The following LYSMD3 variants were observed in gnomAD, a reference collection of about 807,000 sequenced individuals.
The protein encoded by LYSMD3 is lysM and putative peptidoglycan-binding domain-containing protein 3.
In LYSMD3, 13 loss-of-function variants were observed where a neutral mutation model predicts 26.1. The ratio of observed to expected loss-of-function variants is 0.50; its 90% CI spans 0.32 to 0.79. The LOEUF (loss-of-function observed/expected upper bound fraction) is 0.79. LYSMD3 is among the 30% of genes least tolerant of loss of function. LYSMD3 has a pLI of 0.03. For synonymous variants in LYSMD3, 109 were observed against 119.4 expected (o/e 0.91, Z 0.57); for missense variants, 331 against 362.5 (o/e 0.91, Z 0.71).
At chr5:90,528,328 G>T (rs1753275572) in intron 1 of LYSMD3, among the ~76,000 whole-genome samples, 1 of 152,126 alleles carries the variant, frequency 6.6e-6, no homozygotes, top group Non-Finnish European at 1.5e-5. Flanking sequence ...TATGTGTCTT[G>T]TTAGACAGTT....
chr5:90,519,421 T>C lies in LYSMD3; in HGVS notation c.319A>G (p.Ile107Val). The change falls in exon 3 of 3, where the codon ATC becomes GTC. Residue 107 changes from isoleucine to valine, a missense_variant. By Grantham distance (29) the Ile-to-Val change is conservative. Coordinates refer to ENST00000315948, the MANE Select transcript of LYSMD3 (RefSeq NM_198273.2). Reference sequence around the variant, plus strand: ...CTGAACTTTTTTACTGGAATTTTGATAGACCTAAGGGCAAAAAAGTCTTGA... The same window carrying C: ...CTGAACTTTTTTACTGGAATTTTGACAGACCTAAGGGCAAAAAAGTCTTGA... ...SDQDFFALRS[I>V]KIPVKKFSSL... The C allele has an allele frequency of 6.2e-7, 1 of 1,613,932 alleles. No individual in the cohort carries two copies. The highest frequency in any genetic ancestry group is 8.5e-7 in the Non-Finnish European group (1 of 1,179,956).
intron 2 of LYSMD3, among the ~76,000 whole-genome samples, chr5:90,521,369 G>C (rs1427726175): frequency 1.3e-5 from 2 of 152,028 alleles, no homozygotes; most frequent in Non-Finnish European, 2.9e-5. Flanking sequence ...AGTCAAGGTG[G>C]TCAAGCAGAG....
In LYSMD3 at chr5:90,515,772, A is replaced by G. The variant is rs532492488; in HGVS notation, c.*3047T>C. ...TACATTTGTATAAAATACATTATAC[A>G]AAAGATTTATAGATTTTGCATACAT... On this transcript the variant is annotated 3_prime_UTR_variant, in exon 3 of 3. Transcript: ENST00000315948. 2.6e-5 allele frequency: 4 copies of G among 152,324 alleles called. No individual in the cohort carries two copies. The South Asian group carries it at 8.3e-4, about 32-fold the overall frequency. 9.4% of individuals were successfully genotyped at this position (152,324 alleles called of 1,614,324 possible).
At position 90,518,500 on chromosome 5, in the gene LYSMD3, T is replaced by C. The variant is rs1753003693; in HGVS notation, c.*319A>G. On this transcript the variant is annotated 3_prime_UTR_variant, in exon 3 of 3. Coordinates refer to ENST00000315948, the MANE Select transcript of LYSMD3 (RefSeq NM_198273.2). ...ATCATAAATTTAACATTAATAAACT[T>C]TTTAAAAATTACTTAAAAAAATAAA... The C allele has an allele frequency of 9.4e-6, 2 of 213,792 alleles. No homozygotes were observed. Among genetic ancestry groups the C allele is most frequent in the South Asian group, 3.0e-4 (2 of 6,634 alleles). 13.2% of individuals were successfully genotyped at this position (213,792 alleles called of 1,614,324 possible).
At chr5:90,526,228 GCTTCCCTGGAAGCAGGAATTTTT>G (rs1468170139) in intron 1 of LYSMD3, among the ~76,000 whole-genome samples, 1 of 152,082 alleles carries the variant, frequency 6.6e-6, no homozygotes, top group African/African-American at 2.4e-5. Flanking sequence ...TTATGATTTT[GCTTCCCTGGAAGCAGGAATTTTT>G]CTTCCCTGGA....
chr5:90,519,527 C>G, intron 2 of LYSMD3, 43 bp from the exon 3 acceptor site: 10 of 1,527,834 alleles, frequency 6.5e-6, no homozygotes, highest in Non-Finnish European at 8.8e-6. Context: ...GAATTCCAAT[C>G]AAAATAAAGG....
intron 2 of LYSMD3, among the ~76,000 whole-genome samples, chr5:90,520,167 T>A (rs1753053683): frequency 6.6e-6 from 1 of 152,194 alleles, no homozygotes; most frequent in African/African-American, 2.4e-5. Context: ...ATAAGCTTTT[T>A]CTCTATATAT....
At position 90,517,867 on chromosome 5, in the gene LYSMD3, T is replaced by G. The variant is rs1201470877; in HGVS notation, c.*952A>C. 4 of 152,510 alleles carry G rather than the reference T, an allele frequency of 2.6e-5. No homozygotes were observed. Among genetic ancestry groups the G allele is most frequent in the African/African-American group, 9.6e-5 (4 of 41,452 alleles). 9.4% of individuals were successfully genotyped at this position (152,510 alleles called of 1,614,324 possible). Reference sequence around the variant, plus strand: ...ATATAGCCTATGTAACGAATCTGATTGGACCATATGAAATAATGCTTATTT... The same window carrying G: ...ATATAGCCTATGTAACGAATCTGATGGGACCATATGAAATAATGCTTATTT... On this transcript the variant is annotated 3_prime_UTR_variant, in exon 3 of 3. Transcript: ENST00000315948.
At chr5:90,522,565 A>C (rs1420501998) in intron 2 of LYSMD3, among the ~76,000 whole-genome samples, 1 of 152,176 alleles carries the variant, frequency 6.6e-6, no homozygotes, top group African/African-American at 2.4e-5. Flanking sequence ...TTATTCCAGT[A>C]ATCTCTTTAT....
intron 1 of LYSMD3, among the ~76,000 whole-genome samples, chr5:90,525,823 G>A (rs1753210302): frequency 2.0e-5 from 3 of 152,016 alleles, no homozygotes. Flanking sequence ...GGGAAGAAGA[G>A]GTAATCTCCT....
intron 1 of LYSMD3, among the ~76,000 whole-genome samples, chr5:90,527,424 T>C (rs1257986872): frequency 6.6e-6 from 1 of 151,706 alleles, no homozygotes; most frequent in East Asian, 1.9e-4. Flanking sequence ...TTTTTTTTTT[T>C]TTTTACTGTT....
Position 90,519,316 on chromosome 5 carries a change from G to GT in LYSMD3, c.423dup (p.Gln142ThrfsTer7). The GT allele has an allele frequency of 6.2e-7, 1 of 1,614,064 alleles. No individual in the cohort carries two copies. Among genetic ancestry groups the GT allele is most frequent in the Non-Finnish European group, 8.5e-7 (1 of 1,179,998 alleles). ...GAATCATTAGCTGGCAAAATTTCCT[G>GT]TTGTTCGGAAGAGTATTGAACAGAT... is the stretch of plus-strand genomic sequence containing the variant. On this transcript the variant is annotated frameshift_variant, in exon 3 of 3. Coordinates refer to ENST00000315948, the MANE Select transcript of LYSMD3 (RefSeq NM_198273.2). LOFTEE classifies it high-confidence loss of function.
Position 90,529,547 on chromosome 5 carries a change from T to C in LYSMD3, c.-111A>G, listed in dbSNP as rs1483726659. The C allele has an allele frequency of 6.6e-6, 3 of 456,542 alleles. No homozygotes were observed. Among genetic ancestry groups the C allele is most frequent in the East Asian group, 1.4e-4 (2 of 14,382 alleles). The allele number at this position is 456,542 out of a possible 1,614,324, so 28.3% of individuals were successfully genotyped here. The stretch of plus-strand genomic sequence containing the variant: ...TCATGGCCGAGCCTCTGCTTTGGGC[T>C]GACCCCGTCCGCCTCCGCCTCTGCC... On this transcript the variant is annotated 5_prime_UTR_variant, in exon 1 of 3. Transcript: ENST00000315948.
intron 2 of LYSMD3, among the ~76,000 whole-genome samples, chr5:90,520,634 A>C (rs1319838247): frequency 2.0e-5 from 3 of 152,128 alleles, no homozygotes; most frequent in Non-Finnish European, 4.4e-5. Flanking sequence ...ATGTAATTGA[A>C]GTCAGCCAGA....
rs780008093 is a variant in LYSMD3 at position 90,519,198 on chromosome 5, TTC to T, written c.540_541del (p.Asn181ProfsTer3). On this transcript the variant is annotated frameshift_variant, in exon 3 of 3. Coordinates refer to ENST00000315948, the MANE Select transcript of LYSMD3 (RefSeq NM_198273.2). LOFTEE classifies it high-confidence loss of function. ...TAAGGCCGATACTACCTCATTGAGG[TTC>T]TCTCTCTTATTGTCTGTACACTTTA... 3 of 1,613,912 alleles carry T rather than the reference TTC, an allele frequency of 1.9e-6. No individual in the cohort carries two copies. Among genetic ancestry groups the T allele is most frequent in the Non-Finnish European group, 2.5e-6 (3 of 1,179,982 alleles).
At chr5:90,524,335 T>C (rs1013321550) in intron 2 of LYSMD3, among the ~76,000 whole-genome samples, 16 of 152,180 alleles carry the variant, frequency 1.1e-4, no homozygotes, top group Non-Finnish European at 1.8e-4. Flanking sequence ...AATATGTATA[T>C]ATAAATAAAT....
Position 90,516,059 on chromosome 5 carries a change from G to T in LYSMD3, c.*2760C>A, listed in dbSNP as rs1039157289. 1 of 151,964 alleles carries T rather than the reference G, an allele frequency of 6.6e-6. No individual in the cohort carries two copies. Among genetic ancestry groups the T allele is most frequent in the Non-Finnish European group, 1.5e-5 (1 of 67,948 alleles). The allele number at this position is 151,964 out of a possible 1,614,324, so 9.4% of individuals were successfully genotyped here. On this transcript the variant is annotated 3_prime_UTR_variant, in exon 3 of 3. Coordinates refer to ENST00000315948, the MANE Select transcript of LYSMD3 (RefSeq NM_198273.2). ...TTTTAGAAGTAGATACTTTAAAAAAGAACTAATTACTAAGTAGTGGTTCAT... is the reference window on the plus strand; with the variant it reads ...TTTTAGAAGTAGATACTTTAAAAAATAACTAATTACTAAGTAGTGGTTCAT...
chr5:90,525,464 T>C (rs995036836), intron 1 of LYSMD3, among the ~76,000 whole-genome samples, 164 bp from the exon 2 acceptor site: 5 of 151,816 alleles, frequency 3.3e-5, no homozygotes, highest in Admixed American at 6.6e-5. Flanking sequence ...TTTTGTTTTG[T>C]TTTGAGATGG....
chr5:90,525,429 G>A (rs1201004479), intron 1 of LYSMD3, 129 bp from the exon 2 acceptor site: 3 of 974,326 alleles, frequency 3.1e-6, no homozygotes, highest in East Asian at 2.7e-5. Flanking sequence ...TAAACATTTA[G>A]GTTTAAGTTC....
Sources: allele counts gnomAD v4.1 joint callset (sites outside exome capture counted in the v4.1 genomes callset), GRCh38; gene constraint gnomAD v4.1.1; transcripts MANE v1.5; gene names NCBI Gene and HGNC (gene_info 2026-07-23, HGNC 2026-07-21).